AVEN: variants seen among roughly 807,000 people sequenced by gnomAD.
AVEN encodes cell death regulator Aven.
AVEN carries 41 observed loss-of-function variants against 38.1 expected under a neutral mutation model. The ratio of observed to expected loss-of-function variants is 1.08; its 90% CI spans 0.84 to 1.40. The LOEUF (loss-of-function observed/expected upper bound fraction) is 1.40, where lower values mean the gene tolerates loss of function less well. AVEN is among the 40% of genes most tolerant of loss of function. The probability of loss-of-function intolerance (pLI) is 0.00; values close to 1 mark genes in which losing one functional copy is unlikely to be tolerated. For missense variants in AVEN, 605 were observed against 438.8 expected (o/e 1.38, Z -3.38); for synonymous variants, 206 against 171.8 (o/e 1.20, Z -1.56).
chr15:34,019,372 C>G (rs547268958), intron 1 of AVEN, among the ~76,000 whole-genome samples: 1 of 152,102 alleles, frequency 6.6e-6, no homozygotes, highest in Non-Finnish European at 1.5e-5. Context: ...TTACAAGAGT[C>G]AAAAAGGTAA....
At chr15:33,859,444 C>CACCTCTGA in intron 11 of AVEN, 1 of 856,488 alleles carries the variant, frequency 1.2e-6, no homozygotes, top group Non-Finnish European at 1.8e-6. Context: ...TGAATACTGG[C>CACCTCTGA]ACCTCTGAAG....
At chr15:34,056,021 G>A (rs1436876948) in intron 5 of AVEN, among the ~76,000 whole-genome samples, 8 of 152,038 alleles carry the variant, frequency 5.3e-5, no homozygotes, top group African/African-American at 1.7e-4. Context: ...CCCAGCCTAA[G>A]CAGGTATTGT....
chr15:33,880,534 G>C (rs1470742272), intron 2 of AVEN, among the ~76,000 whole-genome samples: 4 of 152,100 alleles, frequency 2.6e-5, no homozygotes, highest in African/African-American at 9.7e-5. Context: ...AGTAAAGTAG[G>C]AATTGACCAG....
intron 1 of AVEN, among the ~76,000 whole-genome samples, chr15:34,035,790 TTTAGTTAGTAAG>T (rs1368086173): frequency 9.2e-6 from 1 of 108,892 alleles, no homozygotes; most frequent in Non-Finnish European, 2.5e-5. Flanking sequence ...TATTTATTCA[TTTAGTTAGTAAG>T]TTAGTTATTT....
At chr15:33,947,365 C>A (rs1437391602) in intron 2 of AVEN, among the ~76,000 whole-genome samples, 3 of 152,112 alleles carry the variant, frequency 2.0e-5, no homozygotes, top group African/African-American at 7.2e-5. Flanking sequence ...AGGTAAACCC[C>A]AACCAATGAA....
At chr15:33,878,468 A>G (rs1424492385) in intron 2 of AVEN, among the ~76,000 whole-genome samples, 2 of 152,198 alleles carry the variant, frequency 1.3e-5, no homozygotes, top group East Asian at 3.8e-4. Context: ...CTAGTTACCA[A>G]TATCTCATTT....
At chr15:33,939,755 T>C (rs1025289339) in intron 2 of AVEN, among the ~76,000 whole-genome samples, 1 of 152,112 alleles carries the variant, frequency 6.6e-6, no homozygotes, top group African/African-American at 2.4e-5. Flanking sequence ...CAAAACTCAT[T>C]TGTTGAAACA....
intron 2 of AVEN, among the ~76,000 whole-genome samples, chr15:33,880,700 G>A (rs900942082): frequency 2.6e-5 from 4 of 151,954 alleles, no homozygotes; most frequent in Non-Finnish European, 4.4e-5. Context: ...CATTAAAAAC[G>A]ATCAGGCCTA....
intron 2 of AVEN, among the ~76,000 whole-genome samples, chr15:33,971,485 G>A (rs1895635889): frequency 6.6e-6 from 1 of 151,818 alleles, no homozygotes; most frequent in South Asian, 2.1e-4. Flanking sequence ...TGGCATCTAG[G>A]TCAAAATGAA....
chr15:34,051,814 C>T (rs1017833546), intron 5 of AVEN, among the ~76,000 whole-genome samples: 1 of 151,606 alleles, frequency 6.6e-6, no homozygotes, highest in Non-Finnish European at 1.5e-5. Flanking sequence ...CTTAATAGAC[C>T]AATAATGAGT....
intron 2 of AVEN, among the ~76,000 whole-genome samples, chr15:33,961,553 C>A (rs1264685082): frequency 6.6e-6 from 1 of 151,952 alleles, no homozygotes; most frequent in East Asian, 1.9e-4. Flanking sequence ...GTGGCTCATG[C>A]CTGTAATCCC....
At chr15:34,073,321 C>T (rs1326893385) in intron 1 of AVEN, among the ~76,000 whole-genome samples, 2 of 148,972 alleles carry the variant, frequency 1.3e-5, no homozygotes, top group East Asian at 2.0e-4. Flanking sequence ...TCCCAAAGTG[C>T]TGGGATTACA....
At chr15:33,931,501 G>A (rs1435273350) in intron 2 of AVEN, among the ~76,000 whole-genome samples, 1 of 151,422 alleles carries the variant, frequency 6.6e-6, no homozygotes, top group African/African-American at 2.4e-5. Flanking sequence ...CTCCAGAGTT[G>A]CTGGGACTAC....
intron 5 of AVEN, 117 bp downstream of exon 5, chr15:33,867,378 A>G (rs1890645510): frequency 7.2e-7 from 1 of 1,382,530 alleles, no homozygotes; most frequent in Non-Finnish European, 9.7e-7. Context: ...ATGTCAGTGG[A>G]CAACACTGGA....
chr15:33,859,625 T>G, intron 11 of AVEN: 2 of 1,614,050 alleles, frequency 1.2e-6, no homozygotes, highest in Admixed American at 3.3e-5. Context: ...GTGGCATTGG[T>G]GATGAAATTG....
At chr15:33,975,287 C>A (rs982049102) in intron 2 of AVEN, among the ~76,000 whole-genome samples, 3 of 152,176 alleles carry the variant, frequency 2.0e-5, no homozygotes, top group African/African-American at 7.2e-5. Context: ...CATATAGACA[C>A]TGCCAAATAC....
chr15:33,993,841 T>G (rs1224201819), intron 2 of AVEN, among the ~76,000 whole-genome samples: 1 of 334 alleles, frequency 3.0e-3, no homozygotes, highest in African/African-American at 8.5e-3. Flanking sequence ...AAAAATAGGG[T>G]TTTTTTTTCC....
chr15:33,941,729 CA>C lies in AVEN; in HGVS notation c.445+61302del, dbSNP rs200607677. Among the ~76,000 whole-genome samples the C allele has an allele frequency of 1.5e-4, 22 of 150,108 alleles. No individual in the cohort carries two copies. The East Asian group carries it at 3.5e-3, about 24-fold the overall frequency. ...ATGAAAGAAGAAAATCTATTAAAAA[CA>C]AAAAAAAATAGAACTTATGGGACAA... is the stretch of plus-strand genomic sequence containing the variant. On this transcript the variant is annotated intron_variant, in intron 2 of 5. Transcript: ENST00000306730.
At chr15:33,891,387 C>T (rs1446351223) in intron 2 of AVEN, among the ~76,000 whole-genome samples, 1 of 152,100 alleles carries the variant, frequency 6.6e-6, no homozygotes, top group Non-Finnish European at 1.5e-5. Context: ...CCCCCAGTCC[C>T]CCACCCCCTG....
Sources: gnomAD v4.1 joint callset for allele counts (sites outside exome capture counted in the v4.1 genomes callset) on GRCh38, gnomAD v4.1.1 for gene constraint, MANE v1.5 for transcripts, NCBI Gene and HGNC (gene_info 2026-07-23, HGNC 2026-07-21) for gene names.